The following ERP44 variants were observed in gnomAD, a reference collection of about 807,000 sequenced individuals.
The protein encoded by ERP44 is endoplasmic reticulum resident protein 44.
A neutral mutation model predicts 53.4 loss-of-function variants in ERP44; 25 were observed. That is an observed-to-expected ratio of 0.47 (90% CI 0.34 to 0.65). The LOEUF is 0.65. ERP44 is among the 30% of genes least tolerant of loss of function. ERP44 has a pLI of 0.01. For missense variants in ERP44, 338 were observed against 493.2 expected, an observed-to-expected ratio of 0.69 and a Z score of 2.98; for synonymous variants, 145 against 161.2, an observed-to-expected ratio of 0.90 and a Z score of 0.76.
rs192857721 is a variant in ERP44, at chr9:99,989,195, C to T, written c.1017-4126G>A. ...CTGAAGAGAGCAGTGGTTCTCCCAGCATGTTTGAGCTCTGTGAACAGGCAG... is the reference window on the plus strand; with the variant it reads ...CTGAAGAGAGCAGTGGTTCTCCCAGTATGTTTGAGCTCTGTGAACAGGCAG... On this transcript the variant is annotated intron_variant, in intron 10 of 11. Coordinates refer to ENST00000262455, the MANE Select transcript of ERP44 (RefSeq NM_015051.3). Among the ~76,000 whole-genome samples, 127 of 152,266 alleles carry T rather than the reference C, an allele frequency of 8.3e-4. 1 individual carries two copies. The highest frequency in any genetic ancestry group is 1.2e-3 in the Non-Finnish European group (80 of 67,996).
intron 4 of ERP44, among the ~76,000 whole-genome samples, chr9:100,052,168 T>A (rs3824510): frequency 0.93 from 141,804 of 152,140 alleles, 66,178 homozygotes; most frequent in African/African-American, 0.97. Flanking sequence ...TGTAATTTTT[T>A]AAATAACAAC....
chr9:100,076,703 G>A (rs146186308), intron 1 of ERP44, among the ~76,000 whole-genome samples: 1 of 152,364 alleles, frequency 6.6e-6, no homozygotes, highest in East Asian at 1.9e-4. Context: ...GAAGAGGTAT[G>A]TGGATGAACT....
At chr9:100,052,346 G>T in intron 4 of ERP44, 71 bp downstream of exon 4, 2 of 677,194 alleles carry the variant, frequency 3.0e-6, no homozygotes, top group Non-Finnish European at 2.3e-6. Flanking sequence ...GAAAAGAAAA[G>T]AAAAAATGTG....
chr9:100,011,084 T>A (rs193089591), intron 8 of ERP44, among the ~76,000 whole-genome samples: 2 of 152,264 alleles, frequency 1.3e-5, no homozygotes, highest in East Asian at 3.9e-4. Context: ...TAAAGTTTGA[T>A]ATAAAGGACT....
At position 99,999,102 on chromosome 9, in the gene ERP44, GGGCGTGGACAC is replaced by G. The variant is rs985591142; in HGVS notation, c.1016+7393_1016+7403del. On this transcript the variant is annotated intron_variant, in intron 10 of 11. Transcript: ENST00000262455. ...GCGCACGGCCGTTCCCACAGCGGCG[GGGCGTGGACAC>G]GGCGCACCTGAGGCACAGTGTACCG... 64 of 660,308 alleles carry G rather than the reference GGGCGTGGACAC, an allele frequency of 9.7e-5. No individual in the cohort carries two copies. The African/African-American group carries it at 1.0e-3, about 11-fold the overall frequency. 40.9% of individuals were successfully genotyped at this position (660,308 alleles called of 1,614,324 possible).
At chr9:100,006,457 T>C (rs569409511) in intron 10 of ERP44, 49 bp downstream of exon 10, 1 of 1,384,490 alleles carries the variant, frequency 7.2e-7, no homozygotes, top group South Asian at 1.2e-5. Flanking sequence ...TTTCAGTTCA[T>C]TTTTGAAAAA....
At chr9:99,999,164 C>T (rs1313516347) in intron 10 of ERP44, 7 of 548,208 alleles carry the variant, frequency 1.3e-5, no homozygotes, top group Admixed American at 6.6e-5. Flanking sequence ...GCTCCGCCCC[C>T]CGACCCTGTC....
At chr9:100,015,517 G>A (rs1475668870) in intron 8 of ERP44, among the ~76,000 whole-genome samples, 1 of 152,166 alleles carries the variant, frequency 6.6e-6, no homozygotes, top group Non-Finnish European at 1.5e-5. Flanking sequence ...TCAGATGCAT[G>A]GGATGACTGA....
intron 1 of ERP44, among the ~76,000 whole-genome samples, chr9:100,069,254 C>G (rs1195853895): frequency 6.6e-6 from 1 of 151,170 alleles, no homozygotes; most frequent in Non-Finnish European, 1.5e-5. Context: ...CCTGCCAAAT[C>G]CCCCTCTGCG....
chr9:100,018,329 A>C lies in ERP44; in HGVS notation c.588-16T>G, dbSNP rs1830546950. 1 of 1,524,126 alleles carries C rather than the reference A, an allele frequency of 6.6e-7. No homozygotes were observed. Among genetic ancestry groups the C allele is most frequent in the Admixed American group, 1.7e-5 (1 of 59,882 alleles). The allele number at this position is 1,524,126 out of a possible 1,614,324, so 94.4% of individuals were successfully genotyped here. On this transcript the variant is annotated splice_polypyrimidine_tract_variant and intron_variant, in intron 6 of 11. Coordinates refer to ENST00000262455, the MANE Select transcript of ERP44 (RefSeq NM_015051.3). The stretch of plus-strand genomic sequence containing the variant: ...TGAAACATCCCTATAGGAAGGGAGA[A>C]ATAGTAATAAACCTGAATGACAGAA...
chr9:100,005,517 T>A (rs1466471146), intron 10 of ERP44, among the ~76,000 whole-genome samples: 1 of 152,244 alleles, frequency 6.6e-6, no homozygotes, highest in East Asian at 1.9e-4. Flanking sequence ...TTCTCACTAC[T>A]TTATGGTTTA....
intron 10 of ERP44, among the ~76,000 whole-genome samples, chr9:99,990,855 G>A (rs1289265291): frequency 6.6e-6 from 1 of 152,010 alleles, no homozygotes; most frequent in African/African-American, 2.4e-5. Flanking sequence ...AAAAAAGCAG[G>A]GGTTGCAATC....
intron 8 of ERP44, among the ~76,000 whole-genome samples, chr9:100,014,586 G>A (rs1314836234): frequency 6.6e-6 from 1 of 152,206 alleles, no homozygotes; most frequent in African/African-American, 2.4e-5. Context: ...ATGGCACAAG[G>A]CCCTGGTCTT....
intron 10 of ERP44, chr9:99,998,469 C>T: frequency 1.4e-6 from 1 of 699,974 alleles, no homozygotes; most frequent in South Asian, 1.5e-5. Context: ...CACCTCTGCA[C>T]TCTTCCTGGT....
intron 1 of ERP44, among the ~76,000 whole-genome samples, chr9:100,075,671 G>A (rs1426515908): frequency 6.6e-6 from 1 of 152,198 alleles, no homozygotes; most frequent in Non-Finnish European, 1.5e-5. Flanking sequence ...TTTCAGTGGT[G>A]TGGGGCCTGT....
chr9:100,003,586 TG>T (rs1246096575), intron 10 of ERP44, among the ~76,000 whole-genome samples: 1 of 150,712 alleles, frequency 6.6e-6, no homozygotes, highest in Non-Finnish European at 1.5e-5. Flanking sequence ...GCTTGGTGCC[TG>T]GGTCCATGGA....
Position 99,982,671 on chromosome 9 carries a change from G to T in ERP44, c.1162C>A (p.Gln388Lys). The part of the protein sequence containing the change: ...VASSPPESSF[Q>K]KLAPSEYRYT... ...CTATATTCACTGGGTGCTAGTTTCTGGAAGGAGCTCTCAGGTGGACTGCTT... is the reference window on the plus strand; with the variant it reads ...CTATATTCACTGGGTGCTAGTTTCTTGAAGGAGCTCTCAGGTGGACTGCTT... The change falls in exon 12 of 12, where the codon CAG becomes AAG. Residue 388 changes from glutamine to lysine, a missense_variant. Gln to Lys is a moderately conservative substitution (Grantham distance 53). Coordinates refer to ENST00000262455, the MANE Select transcript of ERP44 (RefSeq NM_015051.3). The T allele has an allele frequency of 6.2e-7, 1 of 1,609,882 alleles. No individual in the cohort carries two copies.
At chr9:100,050,662 G>GA (rs1321480039) in intron 4 of ERP44, among the ~76,000 whole-genome samples, 1 of 152,136 alleles carries the variant, frequency 6.6e-6, no homozygotes, top group Non-Finnish European at 1.5e-5. Flanking sequence ...ACATAGAAGA[G>GA]AAAAAATATT....
intron 10 of ERP44, among the ~76,000 whole-genome samples, chr9:99,986,755 C>A (rs1312302982): frequency 6.6e-6 from 1 of 152,204 alleles, no homozygotes; most frequent in Non-Finnish European, 1.5e-5. Flanking sequence ...TTTACAAATA[C>A]AAATGACTGT....
Sources: allele counts gnomAD v4.1 joint callset (sites outside exome capture counted in the v4.1 genomes callset), GRCh38; gene constraint gnomAD v4.1.1; transcripts MANE v1.5; gene names NCBI Gene and HGNC (gene_info 2026-07-23, HGNC 2026-07-21).